Variants in HS2ST1 observed in about 807,000 individuals in gnomAD.
HS2ST1 encodes the protein heparan sulfate 2-O-sulfotransferase 1.
Under a neutral mutation model 42.9 loss-of-function variants are expected in HS2ST1, and 18 were observed. The observed-to-expected ratio is 0.42, with a 90% CI of 0.29 to 0.62. HS2ST1 has a LOEUF of 0.62. Among genes scored for constraint, HS2ST1 ranks in the 20% least tolerant of loss-of-function variants. The probability of loss-of-function intolerance (pLI) is 0.21; values close to 1 mark genes in which losing one functional copy is unlikely to be tolerated. For synonymous variants in HS2ST1, 146 were observed against 152.9 expected (o/e 0.95, Z 0.33); for missense variants, 334 against 433.8 (o/e 0.77, Z 2.04).
Position 87,104,712 on chromosome 1 carries a change from A to T in HS2ST1, c.*16A>T. 6.6e-7 allele frequency: 1 copy of T among 1,504,558 alleles called. No individual in the cohort carries two copies. Among genetic ancestry groups the T allele is most frequent in the Non-Finnish European group, 9.2e-7 (1 of 1,082,162 alleles). 93.2% of individuals were successfully genotyped at this position (1,504,558 alleles called of 1,614,324 possible). On this transcript the variant is annotated 3_prime_UTR_variant, in exon 7 of 7. Coordinates refer to ENST00000370550, the MANE Select transcript of HS2ST1 (RefSeq NM_012262.4). Reference sequence around the variant, plus strand: ...GTCGAACTGAGTATAAGGTGTGACTATTGGATTCTTGAACTAAAATTTGAC... The same window carrying T: ...GTCGAACTGAGTATAAGGTGTGACTTTTGGATTCTTGAACTAAAATTTGAC...
chr1:86,980,906 T>C (rs1374557025), intron 1 of HS2ST1, among the ~76,000 whole-genome samples: 1 of 152,168 alleles, frequency 6.6e-6, no homozygotes, highest in African/African-American at 2.4e-5. Flanking sequence ...GTGTGTAATA[T>C]ATGAGTATAT....
intron 1 of HS2ST1, among the ~76,000 whole-genome samples, chr1:86,972,246 C>A (rs1211830402): frequency 6.6e-6 from 1 of 152,182 alleles, no homozygotes; most frequent in Non-Finnish European, 1.5e-5. Context: ...TAGCCAAGGT[C>A]AACCTTGGTC....
intron 1 of HS2ST1, among the ~76,000 whole-genome samples, chr1:86,971,686 T>C (rs1013675549): frequency 6.6e-6 from 1 of 152,218 alleles, no homozygotes; most frequent in African/African-American, 2.4e-5. Context: ...CTATCATATA[T>C]ACTGCATTAT....
At chr1:86,976,299 A>T (rs72949800) in intron 1 of HS2ST1, among the ~76,000 whole-genome samples, 1 of 152,232 alleles carries the variant, frequency 6.6e-6, no homozygotes, top group Non-Finnish European at 1.5e-5. Flanking sequence ...AGTTGTTGCC[A>T]TGGCAAAGTA....
At chr1:87,055,149 G>A (rs1650928636) in intron 1 of HS2ST1, among the ~76,000 whole-genome samples, 1 of 152,094 alleles carries the variant, frequency 6.6e-6, no homozygotes, top group Non-Finnish European at 1.5e-5. Context: ...GTTAGGCTTG[G>A]ATATTGTTCT....
At chr1:87,056,290 G>T (rs1650967106) in intron 1 of HS2ST1, among the ~76,000 whole-genome samples, 1 of 152,246 alleles carries the variant, frequency 6.6e-6, no homozygotes, top group African/African-American at 2.4e-5. Flanking sequence ...TTTTGATACA[G>T]CATGAAGCCC....
intron 1 of HS2ST1, among the ~76,000 whole-genome samples, chr1:87,049,443 A>C (rs1238634933): frequency 6.6e-6 from 1 of 152,062 alleles, no homozygotes; most frequent in Non-Finnish European, 1.5e-5. Context: ...GCACTGCTTC[A>C]GTTACATCTT....
At chr1:87,061,756 G>A (rs930917837) in intron 1 of HS2ST1, among the ~76,000 whole-genome samples, 2 of 151,982 alleles carry the variant, frequency 1.3e-5, no homozygotes, top group Non-Finnish European at 2.9e-5. Context: ...ATATACCTTG[G>A]AGTAGAATTA....
At chr1:86,915,255 G>A (rs1281591542) in intron 1 of HS2ST1, 95 bp downstream of exon 1, 1 of 1,397,242 alleles carries the variant, frequency 7.2e-7, no homozygotes, top group South Asian at 1.4e-5. Context: ...CCTGGGGTCT[G>A]GCTCGGGGGC....
chr1:87,008,270 G>T (rs1020982168), intron 1 of HS2ST1, among the ~76,000 whole-genome samples: 8 of 152,048 alleles, frequency 5.3e-5, no homozygotes, highest in African/African-American at 1.7e-4. Flanking sequence ...AGTCCAGTAG[G>T]TTATACAGAA....
chr1:86,995,313 A>G (rs780225677), intron 1 of HS2ST1, among the ~76,000 whole-genome samples: 1 of 152,190 alleles, frequency 6.6e-6, no homozygotes, highest in South Asian at 2.1e-4. Context: ...CCCATATTGC[A>G]TGTTTAATTA....
At chr1:86,959,011 GA>G (rs1647751128) in intron 1 of HS2ST1, among the ~76,000 whole-genome samples, 1 of 152,128 alleles carries the variant, frequency 6.6e-6, no homozygotes, top group African/African-American at 2.4e-5. Context: ...AGTAGATGCA[GA>G]AAAAGCATTT....
intron 2 of HS2ST1, among the ~76,000 whole-genome samples, chr1:87,074,620 T>C (rs2100636113): frequency 6.6e-6 from 1 of 152,302 alleles, no homozygotes; most frequent in South Asian, 2.1e-4. Context: ...TGTAGTAGTA[T>C]ATTTTCCCAG....
At chr1:86,979,227 A>G (rs539989187) in intron 1 of HS2ST1, among the ~76,000 whole-genome samples, 1 of 152,340 alleles carries the variant, frequency 6.6e-6, no homozygotes, top group Admixed American at 6.5e-5. Flanking sequence ...CTTGTCATTT[A>G]AAACAATTTT....
In HS2ST1 at chr1:87,096,718, A is replaced by T. The variant is rs1276225620; in HGVS notation, c.589-1120A>T. On this transcript the variant is annotated intron_variant, in intron 4 of 6. Coordinates refer to ENST00000370550, the MANE Select transcript of HS2ST1 (RefSeq NM_012262.4). ...GTGAGAACGAGAATTGCCTTCAAACATTGCCAAATATCACCTGAGGGTCAG... is the reference window on the plus strand; with the variant it reads ...GTGAGAACGAGAATTGCCTTCAAACTTTGCCAAATATCACCTGAGGGTCAG... 2.6e-5 allele frequency among the ~76,000 whole-genome samples: 4 copies of T among 152,328 alleles called. No homozygotes were observed. The East Asian group carries it at 7.7e-4, about 29-fold the overall frequency.
intron 1 of HS2ST1, among the ~76,000 whole-genome samples, chr1:87,034,458 A>G (rs999663891): frequency 4.6e-5 from 7 of 152,208 alleles, no homozygotes; most frequent in African/African-American, 7.2e-5. Flanking sequence ...TTCAAGCTAT[A>G]GTAATTCTTT....
chr1:87,017,028 T>C (rs1168574215), intron 1 of HS2ST1, among the ~76,000 whole-genome samples: 2 of 152,078 alleles, frequency 1.3e-5, no homozygotes, highest in Non-Finnish European at 2.9e-5. Context: ...AATGAAGATT[T>C]AGGTGTTAAC....
At chr1:87,082,148 G>A (rs936449469) in intron 2 of HS2ST1, among the ~76,000 whole-genome samples, 8 of 152,222 alleles carry the variant, frequency 5.3e-5, no homozygotes, top group African/African-American at 1.9e-4. Flanking sequence ...GGAAAACCCA[G>A]AAGAAATGAG....
chr1:86,988,721 A>C lies in HS2ST1; in HGVS notation c.124+73561A>C, dbSNP rs185771938. 3.8e-3 allele frequency among the ~76,000 whole-genome samples: 582 copies of C among 152,344 alleles called. 4 individuals are homozygous for C. Among genetic ancestry groups the C allele is most frequent in the Middle Eastern group, 0.02 (6 of 294 alleles). ...CCTAATTACAGTCACTGCACTGGCC[A>C]CTACTGCCGGAATGGCGTTACATCA... On this transcript the variant is annotated intron_variant, in intron 1 of 6. Coordinates refer to ENST00000370550, the MANE Select transcript of HS2ST1 (RefSeq NM_012262.4).
Sources: gnomAD v4.1 joint callset for allele counts (sites outside exome capture counted in the v4.1 genomes callset) on GRCh38, gnomAD v4.1.1 for gene constraint, MANE v1.5 for transcripts, NCBI Gene and HGNC (gene_info 2026-07-23, HGNC 2026-07-21) for gene names.